GGT5: variants seen among roughly 807,000 people sequenced by gnomAD.
GGT5 encodes the protein gamma-glutamyltransferase 5, also known as glutathione hydrolase 5 proenzyme.
GGT5 carries 50 observed loss-of-function variants against 58.1 expected under a neutral mutation model. That is an observed-to-expected ratio of 0.86 (90% confidence interval 0.69 to 1.09). The LOEUF (loss-of-function observed/expected upper bound fraction) is 1.09, where lower values mean the gene tolerates loss of function less well. GGT5 is among the 50% of genes least tolerant of loss of function. The probability of loss-of-function intolerance (pLI) is 0.00; values close to 1 mark genes in which losing one functional copy is unlikely to be tolerated. For missense variants in GGT5, 800 were observed against 789.4 expected (o/e 1.01, Z -0.16); for synonymous variants, 370 against 346.1 (o/e 1.07, Z -0.77).
At chr22:24,244,255 C>CCA (rs201795558) in intron 1 of GGT5, 199 of 371,830 alleles carry the variant, frequency 5.4e-4, no homozygotes, top group African/African-American at 3.7e-3. Flanking sequence ...GTGCTGAAGC[C>CCA]CACACACACA....
chr22:24,242,414 T>G (rs1050994811), intron 1 of GGT5: 1 of 151,978 alleles, frequency 6.6e-6, no homozygotes, highest in African/African-American at 2.4e-5. Flanking sequence ...CTGGCTAACA[T>G]GGTGAAACCC....
chr22:24,230,605 G>A (rs1430970575), intron 6 of GGT5, among the ~76,000 whole-genome samples: 1 of 151,846 alleles, frequency 6.6e-6, no homozygotes. Context: ...AAAATAAAAT[G>A]TACAATAAAT....
intron 11 of GGT5, chr22:24,220,621 G>T (rs1990931577): frequency 8.8e-6 from 4 of 453,858 alleles, no homozygotes; most frequent in South Asian, 6.2e-5. Context: ...AAAAAGCCAG[G>T]CGTGGTGGCA....
intron 2 of GGT5, 76 bp from the exon 3 acceptor site, chr22:24,233,669 A>T (rs1310480473): frequency 1.1e-6 from 1 of 923,742 alleles, no homozygotes; most frequent in African/African-American, 1.7e-5. Flanking sequence ...CTCAGTTTCC[A>T]TCTCTGCATT....
chr22:24,233,355 G>A, intron 3 of GGT5, 143 bp downstream of exon 3: 1 of 578,536 alleles, frequency 1.7e-6, no homozygotes, highest in Non-Finnish European at 3.1e-6. Context: ...TGCAGGTTGG[G>A]GCTGGGGGTT....
At chr22:24,221,694 T>G (rs2047594165) in intron 11 of GGT5, among the ~76,000 whole-genome samples, 1 of 152,080 alleles carries the variant, frequency 6.6e-6, no homozygotes, top group Non-Finnish European at 1.5e-5. Context: ...GTAATTTTAG[T>G]AGAGACAGGT....
At chr22:24,224,055 G>A (rs1438183568) in intron 11 of GGT5, among the ~76,000 whole-genome samples, 3 of 151,778 alleles carry the variant, frequency 2.0e-5, no homozygotes, top group African/African-American at 7.3e-5. Flanking sequence ...GAGCCACCAT[G>A]CCCGGCCACT....
intron 1 of GGT5, among the ~76,000 whole-genome samples, chr22:24,239,275 C>A (rs898676252): frequency 1.3e-5 from 2 of 150,800 alleles, no homozygotes; most frequent in African/African-American, 4.9e-5. Context: ...GGAGGCAGAG[C>A]TTGCAGTGAG....
rs548931658 is a variant in GGT5, at chr22:24,228,826, C to T, written c.902-2059G>A. On this transcript the variant is annotated intron_variant, in intron 6 of 11. Transcript: ENST00000327365. ...TGATATAATGGGCCAGGCATGGTGG[C>T]TTATGCCTATAATCCCAACACTTTG... Among the ~76,000 whole-genome samples, 42 of 151,388 alleles carry T rather than the reference C, an allele frequency of 2.8e-4. No individual in the cohort carries two copies. In the South Asian group the frequency reaches 4.7e-3, roughly 17 times the overall value.
At chr22:24,243,835 CAG>C (rs891125105) in intron 1 of GGT5, 2 of 152,222 alleles carry the variant, frequency 1.3e-5, no homozygotes, top group African/African-American at 4.8e-5. Flanking sequence ...GGCCCTGACT[CAG>C]GGAGAGAGGA....
intron 1 of GGT5, among the ~76,000 whole-genome samples, chr22:24,240,670 A>G (rs1333576717): frequency 6.6e-6 from 1 of 151,936 alleles, no homozygotes; most frequent in Non-Finnish European, 1.5e-5. Context: ...CACCCAGCTA[A>G]TTTTTGTACT....
At chr22:24,227,524 G>T (rs2047803930) in intron 6 of GGT5, among the ~76,000 whole-genome samples, 1 of 152,174 alleles carries the variant, frequency 6.6e-6, no homozygotes, top group African/African-American at 2.4e-5. Flanking sequence ...TGGGATTACA[G>T]GCATGAGCCA....
At position 24,232,851 on chromosome 22, in the gene GGT5, G is replaced by A. The variant is rs146969821; in HGVS notation, c.568C>T (p.Arg190Trp). The A allele has an allele frequency of 8.5e-5, 133 of 1,558,414 alleles. 1 individual carries two copies. The Middle Eastern group carries it at 2.1e-3, about 24-fold the overall frequency. The stretch of plus-strand genomic sequence containing the variant: ...AGGGTTGACGCCTGCAAGGAAGGCC[G>A]CAGGATGCTGTTGTGCAGGAAACGG... ...LSRFLHNSIL[R>W]PSLQASTLRQ... Residue 190 changes from arginine to tryptophan, a missense_variant, in exon 4 of 12, where the codon CGG becomes TGG. By Grantham distance (101) the Arg-to-Trp change is moderately radical. Coordinates refer to ENST00000327365, the MANE Select transcript of GGT5 (RefSeq NM_004121.5).
chr22:24,224,431 T>C (rs2047688097), intron 11 of GGT5, among the ~76,000 whole-genome samples: 1 of 151,406 alleles, frequency 6.6e-6, no homozygotes. Context: ...GGAGGAAGGA[T>C]CACTTGAGCC....
chr22:24,231,268 T>A, intron 6 of GGT5, 116 bp downstream of exon 6: 2 of 669,124 alleles, frequency 3.0e-6, no homozygotes, highest in Non-Finnish European at 5.2e-6. Context: ...GAACCCGGTT[T>A]ATGGAGGAGG....
In GGT5 at chr22:24,226,401, C is replaced by A. The variant is rs569190503; in HGVS notation, c.1039-135G>T. ...ACCTTGTGGCCAGGTCTCCCTCAAGCCCAGCTAGGTCTAGACTCTGCTCAC... is the reference window on the plus strand; with the variant it reads ...ACCTTGTGGCCAGGTCTCCCTCAAGACCAGCTAGGTCTAGACTCTGCTCAC... On this transcript the variant is annotated intron_variant, in intron 7 of 11. Coordinates refer to ENST00000327365, the MANE Select transcript of GGT5 (RefSeq NM_004121.5). The A allele has an allele frequency of 2.8e-4, 222 of 781,892 alleles. 2 individuals are homozygous for A. In the African/African-American group the frequency reaches 3.5e-3, roughly 12 times the overall value. 48.4% of individuals were successfully genotyped at this position (781,892 alleles called of 1,614,324 possible).
intron 11 of GGT5, among the ~76,000 whole-genome samples, chr22:24,223,754 CTTTTTTTTTTTTTTT>C (rs898258352): frequency 1.3e-5 from 1 of 79,460 alleles, no homozygotes. Flanking sequence ...TGCTATCAAT[CTTTTTTTTTTTTTTT>C]TTTTTTTTTT....
At position 24,244,752 on chromosome 22, in the gene GGT5, C is replaced by A. The variant is rs375286288; in HGVS notation, c.-27G>T. 1.1e-5 allele frequency: 17 copies of A among 1,583,338 alleles called. No homozygotes were observed. The South Asian group carries it at 1.5e-4, about 14-fold the overall frequency. On this transcript the variant is annotated 5_prime_UTR_variant, in exon 1 of 12. Transcript: ENST00000327365. ...GCTCTGCAGCCCAGGAGGAGAGGGG[C>A]GGCTGGTGGGCAGACGGAGGGACGG...
intron 6 of GGT5, among the ~76,000 whole-genome samples, chr22:24,230,598 AT>A (rs936701859): frequency 6.6e-6 from 1 of 152,130 alleles, no homozygotes; most frequent in African/African-American, 2.4e-5. Flanking sequence ...AATGAAAAAA[AT>A]AAAATGTACA....
Sources: allele counts gnomAD v4.1 joint callset (sites outside exome capture counted in the v4.1 genomes callset), GRCh38; gene constraint gnomAD v4.1.1; transcripts MANE v1.5; gene names NCBI Gene and HGNC (gene_info 2026-07-23, HGNC 2026-07-21).